The following PAWR variants were observed in gnomAD, a reference collection of about 807,000 sequenced individuals.
PAWR encodes the protein pro-apoptotic WT1 regulator, also known as PRKC apoptosis WT1 regulator protein.
In PAWR, 23 loss-of-function variants were observed where a neutral mutation model predicts 32.0. The observed-to-expected ratio is 0.72, with a 90% CI of 0.52 to 1.02. The LOEUF (loss-of-function observed/expected upper bound fraction) is 1.02, where lower values mean the gene tolerates loss of function less well. Among genes scored for constraint, PAWR ranks in the 50% least tolerant of loss-of-function variants. The probability of loss-of-function intolerance (pLI) is 0.00; values close to 1 mark genes in which losing one functional copy is unlikely to be tolerated. For synonymous variants in PAWR, 226 were observed against 187.1 expected, an observed-to-expected ratio of 1.21 and a Z score of -1.70; for missense variants, 457 against 437.7, an observed-to-expected ratio of 1.04 and a Z score of -0.39.
At chr12:79,665,183 A>G (rs1877544973) in intron 2 of PAWR, among the ~76,000 whole-genome samples, 1 of 152,172 alleles carries the variant, frequency 6.6e-6, no homozygotes, top group African/African-American at 2.4e-5. Flanking sequence ...TAGAGACAAA[A>G]ATTAGTTCCA....
At chr12:79,642,016 C>T (rs770116606) in intron 2 of PAWR, among the ~76,000 whole-genome samples, 2 of 151,626 alleles carry the variant, frequency 1.3e-5, no homozygotes, top group Non-Finnish European at 2.9e-5. Flanking sequence ...ATCTAAGATG[C>T]CACTGATTGA....
At position 79,653,658 on chromosome 12, in the gene PAWR, T is replaced by TGA. The variant is rs1202502967; in HGVS notation, c.517-32452_517-32451insTC. 2.1e-3 allele frequency among the ~76,000 whole-genome samples: 324 copies of TGA among 152,218 alleles called. 2 individuals are homozygous for TGA. The highest frequency in any genetic ancestry group is 7.6e-3 in the African/African-American group (316 of 41,554). Reference sequence around the variant, plus strand: ...CCACGCCAGGCTAATTTTGTACTTTTAGTAGAGACGGGGTTTCTCCATGTT... The same window carrying TGA: ...CCACGCCAGGCTAATTTTGTACTTTTGAAGTAGAGACGGGGTTTCTCCATGTT... On this transcript the variant is annotated intron_variant, in intron 2 of 6. Transcript: ENST00000328827.
At chr12:79,619,019 A>G (rs1417011303) in intron 3 of PAWR, among the ~76,000 whole-genome samples, 1 of 151,738 alleles carries the variant, frequency 6.6e-6, no homozygotes, top group Admixed American at 6.6e-5. Context: ...TAGATTAATA[A>G]TTTTTAATAT....
chr12:79,663,462 G>A (rs1268652367), intron 2 of PAWR, among the ~76,000 whole-genome samples: 8 of 152,028 alleles, frequency 5.3e-5, no homozygotes, highest in Non-Finnish European at 2.9e-5. Flanking sequence ...AGTTCCCTTC[G>A]TGATTCTTAG....
At chr12:79,593,188 C>T (rs775078484) in intron 6 of PAWR, among the ~76,000 whole-genome samples, 32 of 152,148 alleles carry the variant, frequency 2.1e-4, no homozygotes, top group Non-Finnish European at 2.4e-4. Context: ...GGGGATAACA[C>T]TCTGGAGAGG....
chr12:79,651,596 A>T (rs1040733041), intron 2 of PAWR, among the ~76,000 whole-genome samples: 2 of 151,772 alleles, frequency 1.3e-5, no homozygotes, highest in Non-Finnish European at 2.9e-5. Context: ...AAATCAAAGA[A>T]GATGAGCCAG....
intron 2 of PAWR, among the ~76,000 whole-genome samples, chr12:79,670,671 A>G (rs1348266636): frequency 1.3e-5 from 2 of 152,258 alleles, no homozygotes; most frequent in Middle Eastern, 3.4e-3. Flanking sequence ...CTTTCTTATA[A>G]CTACACGAAT....
At chr12:79,595,021 A>G (rs563530334) in intron 5 of PAWR, among the ~76,000 whole-genome samples, 1 of 152,278 alleles carries the variant, frequency 6.6e-6, no homozygotes, top group East Asian at 1.9e-4. Flanking sequence ...CCGGCCTGTG[A>G]TTTAACTTAT....
chr12:79,668,756 C>T (rs1877737701), intron 2 of PAWR, among the ~76,000 whole-genome samples: 1 of 152,204 alleles, frequency 6.6e-6, no homozygotes. Context: ...GCTTTGCTCG[C>T]TTGCCCACTG....
At chr12:79,600,212 T>G (rs1873905229) in intron 4 of PAWR, among the ~76,000 whole-genome samples, 1 of 152,172 alleles carries the variant, frequency 6.6e-6, no homozygotes, top group Non-Finnish European at 1.5e-5. Flanking sequence ...CATCATTTGG[T>G]TTACTACTGC....
intron 2 of PAWR, among the ~76,000 whole-genome samples, chr12:79,631,033 G>A (rs962656122): frequency 6.6e-6 from 1 of 152,014 alleles, no homozygotes; most frequent in Admixed American, 6.6e-5. Flanking sequence ...CTTCAAATCA[G>A]TGATTCATCA....
chr12:79,617,025 A>G (rs1874771360), intron 3 of PAWR, among the ~76,000 whole-genome samples: 1 of 152,154 alleles, frequency 6.6e-6, no homozygotes, highest in African/African-American at 2.4e-5. Flanking sequence ...CTTTTATTAG[A>G]GATTATACAT....
At position 79,690,084 on chromosome 12, in the gene PAWR, G is replaced by T; in HGVS notation, c.161C>A (p.Pro54His). Residue 54 changes from proline (P) to histidine (H), a missense_variant, in exon 2 of 7, where the codon CCC becomes CAC. By Grantham distance (77) the Pro-to-His change is moderately conservative (BLOSUM62 -2). Coordinates refer to ENST00000328827, the MANE Select transcript of PAWR (RefSeq NM_002583.4). ...GGSSDAAGKP[P>H]AGALGTPAAA... is the part of the protein sequence containing the mutation. ...CGCCGGGGTGCCCAGAGCCCCCGCG[G>T]GGGGCTTCCCAGCGGCGTCGCTGCT... 7.0e-7 allele frequency: 1 copy of T among 1,435,072 alleles called. No individual in the cohort carries two copies. The highest frequency in any genetic ancestry group is 9.1e-7 in the Non-Finnish European group (1 of 1,103,696). 88.9% of individuals were successfully genotyped at this position (1,435,072 alleles called of 1,614,324 possible).
intron 2 of PAWR, among the ~76,000 whole-genome samples, chr12:79,658,972 T>TAAAAAA (rs550704257): frequency 3.5e-5 from 3 of 86,628 alleles, no homozygotes; most frequent in Non-Finnish European, 2.4e-5. Flanking sequence ...CTTAGCACAC[T>TAAAAAA]AAAAAAAAAA....
rs1394135311 is a variant in PAWR, at chr12:79,591,708, AT to A, written c.*898del. On this transcript the variant is annotated 3_prime_UTR_variant, in exon 7 of 7. Transcript: ENST00000328827. ...ATTTTAGTACTATTTCTGCTTACAT[AT>A]TGTTTTGTATGAATGTTTTAAGTAT... 1 of 152,022 alleles carries A rather than the reference AT, an allele frequency of 6.6e-6. No individual in the cohort carries two copies. The highest frequency in any genetic ancestry group is 2.4e-5 in the African/African-American group (1 of 41,418). 9.4% of individuals were successfully genotyped at this position (152,022 alleles called of 1,614,324 possible).
intron 3 of PAWR, among the ~76,000 whole-genome samples, chr12:79,615,849 G>A (rs1012121446): frequency 6.6e-6 from 1 of 151,966 alleles, no homozygotes; most frequent in Non-Finnish European, 1.5e-5. Flanking sequence ...TTGAGCCCTG[G>A]AAGTCAAAAC....
intron 2 of PAWR, among the ~76,000 whole-genome samples, chr12:79,679,624 C>T (rs1565704353): frequency 6.6e-6 from 1 of 152,144 alleles, no homozygotes; most frequent in African/African-American, 2.4e-5. Flanking sequence ...AATAAAATCC[C>T]TGATACGGCA....
At chr12:79,605,552 C>G (rs1227588141) in intron 4 of PAWR, among the ~76,000 whole-genome samples, 1 of 150,990 alleles carries the variant, frequency 6.6e-6, no homozygotes, top group African/African-American at 2.4e-5. Context: ...TTCAACTAAG[C>G]AATATGAAAA....
intron 2 of PAWR, among the ~76,000 whole-genome samples, chr12:79,667,151 C>T (rs1019768066): frequency 6.6e-6 from 1 of 152,204 alleles, no homozygotes; most frequent in African/African-American, 2.4e-5. Flanking sequence ...GGCTGTGTCA[C>T]AGGTGCATCC....
Sources: gnomAD v4.1 joint callset for allele counts (sites outside exome capture counted in the v4.1 genomes callset) on GRCh38, gnomAD v4.1.1 for gene constraint, MANE v1.5 for transcripts, NCBI Gene and HGNC (gene_info 2026-07-23, HGNC 2026-07-21) for gene names.